Variants in KCTD8 observed in about 807,000 individuals in gnomAD.
KCTD8 encodes BTB/POZ domain-containing protein KCTD8.
KCTD8 carries 27 observed loss-of-function variants against 31.5 expected under a neutral mutation model. The ratio of observed to expected loss-of-function variants is 0.86; its 90% CI spans 0.63 to 1.18. The LOEUF (loss-of-function observed/expected upper bound fraction) is 1.18, where lower values mean the gene tolerates loss of function less well. KCTD8 is among the 50% of genes most tolerant of loss of function. The pLI is 0.00. For synonymous variants in KCTD8, 290 were observed against 280.0 expected (o/e 1.04, Z -0.36); for missense variants, 658 against 647.7 (o/e 1.02, Z -0.17).
At chr4:44,228,500 T>G (rs377092889) in intron 1 of KCTD8, among the ~76,000 whole-genome samples, 1 of 152,206 alleles carries the variant, frequency 6.6e-6, no homozygotes, top group East Asian at 1.9e-4. Context: ...TTCTTCTCAC[T>G]CAATATATGC....
chr4:44,182,191 G>A (rs958586210), intron 1 of KCTD8, among the ~76,000 whole-genome samples: 3 of 148,950 alleles, frequency 2.0e-5, no homozygotes, highest in South Asian at 2.1e-4. Context: ...CCGCCTGGCC[G>A]GCCGACCCGT....
chr4:44,370,601 T>C (rs1024807293), intron 1 of KCTD8, among the ~76,000 whole-genome samples: 1 of 152,108 alleles, frequency 6.6e-6, no homozygotes, highest in Admixed American at 6.5e-5. Context: ...GGCTCAGATA[T>C]CATGTTTTCT....
At chr4:44,192,007 G>A (rs550945054) in intron 1 of KCTD8, among the ~76,000 whole-genome samples, 79 of 152,184 alleles carry the variant, frequency 5.2e-4, no homozygotes, top group African/African-American at 1.9e-3. Context: ...CGGATCTACC[G>A]ATATGTGATG....
At chr4:44,370,028 G>A (rs7674464) in intron 1 of KCTD8, among the ~76,000 whole-genome samples, 40,902 of 151,998 alleles carry the variant, frequency 0.27, 5,582 homozygotes, top group Admixed American at 0.3. Flanking sequence ...AAGCTGGATG[G>A]GAACTAGTAT....
At chr4:44,308,055 A>G (rs1166718921) in intron 1 of KCTD8, among the ~76,000 whole-genome samples, 1 of 152,020 alleles carries the variant, frequency 6.6e-6, no homozygotes, top group Non-Finnish European at 1.5e-5. Flanking sequence ...TCTATTTTTC[A>G]TAACTATGTT....
chr4:44,317,369 AG>A (rs1718165965), intron 1 of KCTD8, among the ~76,000 whole-genome samples: 1 of 141,796 alleles, frequency 7.1e-6, no homozygotes, highest in Non-Finnish European at 1.5e-5. Flanking sequence ...CCTCCCGAGT[AG>A]CTGGGACTAC....
At chr4:44,341,199 A>C (rs1170744449) in intron 1 of KCTD8, among the ~76,000 whole-genome samples, 2 of 152,218 alleles carry the variant, frequency 1.3e-5, no homozygotes, top group Non-Finnish European at 2.9e-5. Flanking sequence ...TTAATTAAAA[A>C]TATTTTACTG....
intron 1 of KCTD8, among the ~76,000 whole-genome samples, chr4:44,299,431 G>A (rs1487404958): frequency 6.6e-6 from 1 of 152,054 alleles, no homozygotes; most frequent in East Asian, 1.9e-4. Flanking sequence ...CTTTCTTCTT[G>A]CATAAAAATG....
intron 1 of KCTD8, among the ~76,000 whole-genome samples, chr4:44,401,341 T>C (rs1212764495): frequency 2.0e-5 from 3 of 152,108 alleles, no homozygotes; most frequent in African/African-American, 7.2e-5. Flanking sequence ...TTTTCATCAT[T>C]GTTTTTAAGT....
At chr4:44,408,643 G>A (rs7660678) in intron 1 of KCTD8, among the ~76,000 whole-genome samples, 18,413 of 152,008 alleles carry the variant, frequency 0.12, 1,284 homozygotes, top group East Asian at 0.19. Flanking sequence ...GTTTTTAGAC[G>A]GAGTCTTGCG....
chr4:44,342,354 G>A (rs1472088870), intron 1 of KCTD8, among the ~76,000 whole-genome samples: 8 of 131,434 alleles, frequency 6.1e-5, no homozygotes, highest in South Asian at 2.4e-4. Flanking sequence ...GGGCTAATGA[G>A]CAAGACTGTC....
At chr4:44,351,503 T>C (rs1719194499) in intron 1 of KCTD8, among the ~76,000 whole-genome samples, 1 of 152,126 alleles carries the variant, frequency 6.6e-6, no homozygotes, top group Non-Finnish European at 1.5e-5. Flanking sequence ...AAATTATCTT[T>C]GTCATTGGTT....
At chr4:44,432,800 T>G (rs1266703977) in intron 1 of KCTD8, among the ~76,000 whole-genome samples, 1 of 151,706 alleles carries the variant, frequency 6.6e-6, no homozygotes, top group Non-Finnish European at 1.5e-5. Context: ...ATCTCTAAAA[T>G]CACTAATAAA....
At chr4:44,212,594 C>T (rs1019134415) in intron 1 of KCTD8, among the ~76,000 whole-genome samples, 3 of 152,066 alleles carry the variant, frequency 2.0e-5, no homozygotes, top group African/African-American at 4.8e-5. Context: ...AAACCCATCT[C>T]GTTCAAGGGT....
chr4:44,303,958 A>G (rs1717722296), intron 1 of KCTD8, among the ~76,000 whole-genome samples: 1 of 152,188 alleles, frequency 6.6e-6, no homozygotes, highest in Non-Finnish European at 1.5e-5. Flanking sequence ...ATACAAACTC[A>G]GGTTACAAAT....
At chr4:44,240,533 G>A (rs1421469912) in intron 1 of KCTD8, among the ~76,000 whole-genome samples, 1 of 152,124 alleles carries the variant, frequency 6.6e-6, no homozygotes, top group Non-Finnish European at 1.5e-5. Flanking sequence ...ACGAGGTCTC[G>A]ATATGTTGTT....
At chr4:44,253,085 TTTTG>T (rs555943929) in intron 1 of KCTD8, among the ~76,000 whole-genome samples, 133 of 151,862 alleles carry the variant, frequency 8.8e-4, no homozygotes, top group African/African-American at 3.1e-3. Context: ...TCATTATGTG[TTTTG>T]TTTATTTTTA....
At chr4:44,246,003 C>G (rs912070791) in intron 1 of KCTD8, among the ~76,000 whole-genome samples, 2 of 151,980 alleles carry the variant, frequency 1.3e-5, no homozygotes, top group African/African-American at 4.8e-5. Context: ...AAACAATCTT[C>G]TATTAGTTAG....
chr4:44,396,224 C>T (rs1004987584), intron 1 of KCTD8, among the ~76,000 whole-genome samples: 6 of 152,066 alleles, frequency 3.9e-5, no homozygotes, highest in African/African-American at 1.4e-4. Flanking sequence ...AATGCAGCCA[C>T]TGATCTGACA....
Sources: gnomAD v4.1 joint callset for allele counts (sites outside exome capture counted in the v4.1 genomes callset) on GRCh38, gnomAD v4.1.1 for gene constraint, MANE v1.5 for transcripts, NCBI Gene and HGNC (gene_info 2026-07-23, HGNC 2026-07-21) for gene names.